SPAG17: variants seen among roughly 807,000 people sequenced by gnomAD.
The protein encoded by SPAG17 is sperm associated antigen 17.
SPAG17 carries 169 observed loss-of-function variants against 273.6 expected under a neutral mutation model. The observed-to-expected ratio is 0.62, with a 90% CI of 0.55 to 0.70. SPAG17 has a LOEUF of 0.70. SPAG17 is among the 30% of genes least tolerant of loss of function. The pLI is 0.00. For synonymous variants in SPAG17, 825 were observed against 873.2 expected, an observed-to-expected ratio of 0.94 and a Z score of 0.97; for missense variants, 2,557 against 2,627.8, an observed-to-expected ratio of 0.97 and a Z score of 0.59.
chr1:118,042,095 G>C, intron 20 of SPAG17, 53 bp from the exon 21 acceptor site: 1 of 1,566,668 alleles, frequency 6.4e-7, no homozygotes, highest in East Asian at 2.2e-5. Flanking sequence ...TTAAACATAG[G>C]TTCCATTCAG....
At chr1:118,180,604 G>A (rs1479526576) in intron 1 of SPAG17, among the ~76,000 whole-genome samples, 1 of 151,982 alleles carries the variant, frequency 6.6e-6, no homozygotes, top group Non-Finnish European at 1.5e-5. Context: ...AATGTTTCTA[G>A]TATAAAGAAA....
intron 7 of SPAG17, among the ~76,000 whole-genome samples, chr1:118,093,518 T>C (rs1655518603): frequency 6.6e-6 from 1 of 152,192 alleles, no homozygotes; most frequent in Non-Finnish European, 1.5e-5. Context: ...TTTACCGCAA[T>C]ATGGACTGTT....
chr1:117,998,611 T>C (rs1393839562), intron 32 of SPAG17, among the ~76,000 whole-genome samples: 1 of 152,210 alleles, frequency 6.6e-6, no homozygotes, highest in East Asian at 1.9e-4. Context: ...GGTACTGTGA[T>C]AGGAATAGTC....
At chr1:118,147,663 G>A (rs978929009) in intron 3 of SPAG17, among the ~76,000 whole-genome samples, 3 of 152,190 alleles carry the variant, frequency 2.0e-5, no homozygotes, top group African/African-American at 7.2e-5. Flanking sequence ...TATATACAAT[G>A]CCATGGCTAG....
intron 43 of SPAG17, among the ~76,000 whole-genome samples, chr1:117,975,456 CTTGT>C (rs893529411): frequency 3.6e-4 from 54 of 151,780 alleles, no homozygotes; most frequent in African/African-American, 1.1e-3. Flanking sequence ...GTTTTTTTTG[CTTGT>C]TTGTTTGTTT....
intron 28 of SPAG17, among the ~76,000 whole-genome samples, chr1:118,016,667 C>T (rs1230134751): frequency 6.6e-6 from 1 of 152,156 alleles, no homozygotes; most frequent in African/African-American, 2.4e-5. Flanking sequence ...TAACAGGAAA[C>T]ATCTTTCTTC....
chr1:118,081,475 T>G lies in SPAG17; in HGVS notation c.1930A>C (p.Lys644Gln). The G allele has an allele frequency of 6.2e-7, 1 of 1,613,892 alleles. No individual in the cohort carries two copies. The highest frequency in any genetic ancestry group is 8.5e-7 in the Non-Finnish European group (1 of 1,179,982). ...IPWDNPARFA[K>Q]QIRQQYVMKM... The stretch of plus-strand genomic sequence containing the variant: ...ATGACATATTGCTGCCTTATCTGTT[T>G]AGCAAATCTGGCAGGGTTGTCCCAC... The change falls in exon 14 of 49, where the codon AAA (lysine) becomes CAA (glutamine). Residue 644 changes from lysine (K) to glutamine (Q), a missense_variant. By Grantham distance (53) the Lys-to-Gln change is moderately conservative. Coordinates refer to ENST00000336338, the MANE Select transcript of SPAG17 (RefSeq NM_206996.4).
chr1:118,184,983 G>A (rs920577449), intron 1 of SPAG17, 88 bp downstream of exon 1: 3 of 1,109,034 alleles, frequency 2.7e-6, no homozygotes, highest in African/African-American at 1.5e-5. Flanking sequence ...CGGAAGAGAG[G>A]GCGAGCCTTA....
chr1:118,115,155 G>A (rs951907356), intron 4 of SPAG17, among the ~76,000 whole-genome samples, 155 bp downstream of exon 4: 3 of 151,920 alleles, frequency 2.0e-5, no homozygotes, highest in African/African-American at 7.3e-5. Flanking sequence ...CCAGATCTTT[G>A]GACAGCCTTT....
chr1:118,104,804 T>C (rs955324101), intron 4 of SPAG17, among the ~76,000 whole-genome samples: 2 of 152,154 alleles, frequency 1.3e-5, no homozygotes, highest in African/African-American at 2.4e-5. Context: ...GCAGTATCAA[T>C]AGAGAAACCA....
At chr1:118,174,935 A>T (rs1370553214) in intron 1 of SPAG17, among the ~76,000 whole-genome samples, 2 of 152,150 alleles carry the variant, frequency 1.3e-5, no homozygotes, top group African/African-American at 4.8e-5. Flanking sequence ...ACCTTAAGCC[A>T]CTCTAAATAA....
chr1:118,084,819 T>C (rs890977604), intron 13 of SPAG17, among the ~76,000 whole-genome samples: 6 of 152,174 alleles, frequency 3.9e-5, no homozygotes, highest in South Asian at 2.1e-4. Context: ...TCTTTTTTTT[T>C]CCACCACTGT....
chr1:118,123,661 G>T (rs1357913937), intron 3 of SPAG17, among the ~76,000 whole-genome samples: 1 of 152,098 alleles, frequency 6.6e-6, no homozygotes, highest in African/African-American at 2.4e-5. Flanking sequence ...TCCATCTCTC[G>T]ACAATGTCAG....
At chr1:118,026,370 G>T (rs1647753369) in intron 26 of SPAG17, among the ~76,000 whole-genome samples, 1 of 152,106 alleles carries the variant, frequency 6.6e-6, no homozygotes, top group Non-Finnish European at 1.5e-5. Flanking sequence ...TTATAATGTG[G>T]TTTATTGGGG....
intron 2 of SPAG17, 81 bp downstream of exon 2, chr1:118,151,148 G>C: frequency 8.4e-7 from 1 of 1,186,558 alleles, no homozygotes; most frequent in Non-Finnish European, 1.1e-6. Flanking sequence ...CCAAGAATAT[G>C]ATAGTTTATT....
Position 117,991,421 on chromosome 1 carries a change from C to T in SPAG17, c.5469G>A (p.Leu1823=). 6.3e-7 allele frequency: 1 copy of T among 1,584,398 alleles called. No homozygotes were observed. The highest frequency in any genetic ancestry group is 8.6e-7 in the Non-Finnish European group (1 of 1,164,658). ...ATACAAGGCATTTTCTCACCATAAC[C>T]AGCTTGAGGAGATCAGCAGCATTGC... The part of the protein sequence containing the change: ...ERGNAADLLK[L]VMSFPKMEET... Residue 1823 remains leucine, a synonymous_variant, in exon 37 of 49, where the codon CTG becomes CTA. Coordinates refer to ENST00000336338, the MANE Select transcript of SPAG17 (RefSeq NM_206996.4).
intron 4 of SPAG17, among the ~76,000 whole-genome samples, chr1:118,105,264 T>C (rs1367611976): frequency 1.3e-5 from 2 of 152,132 alleles, no homozygotes; most frequent in Admixed American, 1.3e-4. Context: ...ACGTAAGAGT[T>C]ATCTTATGTC....
chr1:118,148,247 C>T (rs1659157896), intron 3 of SPAG17, among the ~76,000 whole-genome samples: 1 of 152,140 alleles, frequency 6.6e-6, no homozygotes, highest in South Asian at 2.1e-4. Context: ...CCAGTGGGTT[C>T]CTCGTCTCAC....
intron 1 of SPAG17, among the ~76,000 whole-genome samples, chr1:118,155,436 C>G (rs563881850): frequency 6.6e-6 from 1 of 152,168 alleles, no homozygotes; most frequent in Non-Finnish European, 1.5e-5. Flanking sequence ...TTTGGACAAT[C>G]GGATTGTAAT....
Sources: gnomAD v4.1 joint callset for allele counts (sites outside exome capture counted in the v4.1 genomes callset) on GRCh38, gnomAD v4.1.1 for gene constraint, MANE v1.5 for transcripts, NCBI Gene and HGNC (gene_info 2026-07-23, HGNC 2026-07-21) for gene names.